The following YTHDC1 variants were observed in gnomAD, a reference collection of about 807,000 sequenced individuals.
The protein encoded by YTHDC1 is YTH N6-methyladenosine RNA binding protein C1.
A neutral mutation model predicts 107.0 loss-of-function variants in YTHDC1; 12 were observed. That is an observed-to-expected ratio of 0.11 (90% CI 0.07 to 0.18). The LOEUF (loss-of-function observed/expected upper bound fraction) is 0.18, where lower values mean the gene tolerates loss of function less well. Among genes scored for constraint, YTHDC1 ranks in the 10% least tolerant of loss-of-function variants. YTHDC1 has a pLI of 1.00. For synonymous variants in YTHDC1, 280 were observed against 289.5 expected, an observed-to-expected ratio of 0.97 and a Z score of 0.33; for missense variants, 635 against 898.8, an observed-to-expected ratio of 0.71 and a Z score of 3.75.
At chr4:68,346,658 G>A (rs1011054983) in intron 1 of YTHDC1, among the ~76,000 whole-genome samples, 2 of 152,114 alleles carry the variant, frequency 1.3e-5, no homozygotes, top group African/African-American at 4.8e-5. Flanking sequence ...TTTAGTAACT[G>A]TCTCGGGTAG....
rs376554025 is a variant in YTHDC1, at chr4:68,322,922, T to C, written c.1435-7A>G. ...CACATTCAAGTTCAATTTCCTAGAATAGGAAAGTAGCAATTTATAAAACAA... is the reference window on the plus strand; with the variant it reads ...CACATTCAAGTTCAATTTCCTAGAACAGGAAAGTAGCAATTTATAAAACAA... On this transcript the variant is annotated splice_polypyrimidine_tract_variant and splice_region_variant and intron_variant, in intron 10 of 16. Coordinates refer to ENST00000344157, the MANE Select transcript of YTHDC1 (RefSeq NM_001031732.4). This position sits in a 1 kb window ranked among gnomAD's most constrained non-coding sequence, Gnocchi z 4.8. The C allele has an allele frequency of 4.7e-5, 75 of 1,610,786 alleles. No individual in the cohort carries two copies. Among genetic ancestry groups the C allele is most frequent in the Admixed American group, 2.8e-4 (17 of 59,856 alleles).
intron 4 of YTHDC1, among the ~76,000 whole-genome samples, chr4:68,333,916 T>C (rs1005630904): frequency 3.9e-5 from 6 of 152,172 alleles, no homozygotes; most frequent in Admixed American, 2.6e-4. Flanking sequence ...TGGTTGCCAT[T>C]GCTTGTTTTT....
At chr4:68,336,298 C>T (rs570592770) in intron 4 of YTHDC1, among the ~76,000 whole-genome samples, 162 of 152,002 alleles carry the variant, frequency 1.1e-3, no homozygotes, top group Middle Eastern at 6.8e-3. Flanking sequence ...TCTGTAAGTA[C>T]CCTGACCTCT....
At chr4:68,336,509 G>GC (rs1485421871) in intron 4 of YTHDC1, among the ~76,000 whole-genome samples, 2 of 152,064 alleles carry the variant, frequency 1.3e-5, no homozygotes, top group Non-Finnish European at 2.9e-5. Flanking sequence ...TTACACCCCA[G>GC]CCCTCTTGTC....
chr4:68,327,193 G>A (rs1255288639), intron 9 of YTHDC1, among the ~76,000 whole-genome samples: 3 of 151,938 alleles, frequency 2.0e-5, no homozygotes, highest in Admixed American at 6.6e-5. Context: ...CCGAGATTGC[G>A]CCATTGCACT....
At chr4:68,324,717 G>A (rs1382327055) in intron 9 of YTHDC1, among the ~76,000 whole-genome samples, 2 of 152,104 alleles carry the variant, frequency 1.3e-5, no homozygotes, top group African/African-American at 2.4e-5. Flanking sequence ...CTGTTCAAGT[G>A]TACTTCCTCA....
At chr4:68,343,155 TA>T (rs1346701380) in intron 1 of YTHDC1, among the ~76,000 whole-genome samples, 1 of 152,180 alleles carries the variant, frequency 6.6e-6, no homozygotes, top group Non-Finnish European at 1.5e-5. Context: ...AAGCCTTTTT[TA>T]GATGTCTATA....
intron 4 of YTHDC1, among the ~76,000 whole-genome samples, chr4:68,336,184 C>A (rs1254151347): frequency 6.6e-6 from 1 of 150,928 alleles, no homozygotes; most frequent in Non-Finnish European, 1.5e-5. Context: ...AAATGTATTT[C>A]AAAAAAATAG....
At chr4:68,318,656 T>C in intron 14 of YTHDC1, 34 bp downstream of exon 14, 1 of 1,611,344 alleles carries the variant, frequency 6.2e-7, no homozygotes, top group Non-Finnish European at 8.5e-7. Flanking sequence ...AGCCTGATTT[T>C]ATCCACATTA....
chr4:68,318,948 C>T, intron 12 of YTHDC1, 86 bp from the exon 13 acceptor site: 1 of 1,371,496 alleles, frequency 7.3e-7, no homozygotes, highest in Admixed American at 1.7e-5. Flanking sequence ...CCACTCGTTT[C>T]AATTCTTTCC....
rs1231882415 is a variant in YTHDC1, at chr4:68,310,443, CTATATT to C, written c.*3650_*3655del. ...AGTATTTAAGACAATAGTCAATAAT[CTATATT>C]TAAGACACAGAAGAAACTGAAAGTG... On this transcript the variant is annotated 3_prime_UTR_variant, in exon 17 of 17. Coordinates refer to ENST00000344157, the MANE Select transcript of YTHDC1 (RefSeq NM_001031732.4). 10 of 152,078 alleles carry C rather than the reference CTATATT, an allele frequency of 6.6e-5. No homozygotes were observed. The highest frequency in any genetic ancestry group is 2.2e-4 in the African/African-American group (9 of 41,392). The allele number at this position is 152,078 out of a possible 1,614,324, so 9.4% of individuals were successfully genotyped here.
At chr4:68,348,474 C>CAAA (rs34746525) in intron 1 of YTHDC1, among the ~76,000 whole-genome samples, 4 of 120,984 alleles carry the variant, frequency 3.3e-5, no homozygotes, top group South Asian at 2.6e-4. Flanking sequence ...CTGGATTTCT[C>CAAA]AAAAAAAAAA....
At position 68,337,909 on chromosome 4, in the gene YTHDC1, T is replaced by C. The variant is rs1229093122; in HGVS notation, c.131-9A>G. ...ACTTTTTCTTTTTGATCCTTTAAAA[T>C]ACAATGTAAAAAAAAAAAAAAGAAG... On this transcript the variant is annotated splice_polypyrimidine_tract_variant and intron_variant, in intron 2 of 16. Coordinates refer to ENST00000344157, the MANE Select transcript of YTHDC1 (RefSeq NM_001031732.4). The C allele has an allele frequency of 1.3e-6, 2 of 1,582,174 alleles. No individual in the cohort carries two copies. The highest frequency in any genetic ancestry group is 1.2e-5 in the South Asian group (1 of 86,254).
intron 7 of YTHDC1, among the ~76,000 whole-genome samples, chr4:68,331,105 A>T (rs954775467): frequency 6.6e-6 from 1 of 152,116 alleles, no homozygotes; most frequent in Non-Finnish European, 1.5e-5. Flanking sequence ...CCATGCATAT[A>T]CTCCCATATA....
rs558222759 is a variant in YTHDC1, at chr4:68,312,730, A to G, written c.*1369T>C. The G allele has an allele frequency of 5.9e-5, 9 of 152,306 alleles. No homozygotes were observed. The South Asian group carries it at 1.9e-3, about 32-fold the overall frequency. The allele number at this position is 152,306 out of a possible 1,614,324, so 9.4% of individuals were successfully genotyped here. A position where few individuals can be genotyped will look rare whatever the true frequency, so the allele number is the denominator to read the frequency against. ...TATAGATTAAATGTAAAACTGTACTATGTGATCTGGTACACAGTACAACTG... is the reference window on the plus strand; with the variant it reads ...TATAGATTAAATGTAAAACTGTACTGTGTGATCTGGTACACAGTACAACTG... On this transcript the variant is annotated 3_prime_UTR_variant, in exon 17 of 17. Transcript: ENST00000344157.
intron 1 of YTHDC1, among the ~76,000 whole-genome samples, chr4:68,345,917 C>T (rs1370306823): frequency 6.6e-5 from 10 of 151,944 alleles, no homozygotes; most frequent in Non-Finnish European, 1.5e-4. Context: ...CTATACCATA[C>T]AGCCTAGATA....
At chr4:68,324,449 C>G (rs193287620) in intron 9 of YTHDC1, among the ~76,000 whole-genome samples, 19 of 152,330 alleles carry the variant, frequency 1.2e-4, no homozygotes, top group Non-Finnish European at 1.5e-5. Flanking sequence ...ACCAAGATAA[C>G]TTGGGGCTTA....
Position 68,316,606 on chromosome 4 carries a change from C to T in YTHDC1, c.1825-158G>A, listed in dbSNP as rs546303595. Among the ~76,000 whole-genome samples, 5 of 152,204 alleles carry T rather than the reference C, an allele frequency of 3.3e-5. No homozygotes were observed. In the South Asian group the frequency reaches 6.2e-4, roughly 19 times the overall value. On this transcript the variant is annotated intron_variant, in intron 15 of 16. Coordinates refer to ENST00000344157, the MANE Select transcript of YTHDC1 (RefSeq NM_001031732.4). ...AGGTGTTTCAAAATATGCTTTTTGT[C>T]GAAAATTACACATCTTCTAAGATTT...
rs1328195861 is a variant in YTHDC1 at position 68,322,785 on chromosome 4, C to T, written c.1565G>A (p.Arg522His). The stretch of plus-strand genomic sequence containing the variant: ...CCGGACTGGTTCTCGACGGGATGGA[C>T]GTCCTCGTGATCGGGGCTGAGAATG... ...RMHSQPRSRG[R>H]PSRREPVRDV... The change falls in exon 11 of 17, where the codon CGT becomes CAT. Residue 522 changes from arginine (R) to histidine (H), a missense_variant. Physicochemically the swap from Arg to His is conservative, Grantham distance 29. This residue lies in a region of YTHDC1 where 256 missense variants were observed against 372.9 expected (regional missense o/e 0.69). Coordinates refer to ENST00000344157, the MANE Select transcript of YTHDC1 (RefSeq NM_001031732.4). The surrounding 1 kb of genome is among the most constrained non-coding windows in gnomAD (Gnocchi z 4.8). 4 of 1,614,132 alleles carry T rather than the reference C, an allele frequency of 2.5e-6. No homozygotes were observed. The highest frequency in any genetic ancestry group is 3.4e-6 in the Non-Finnish European group (4 of 1,180,014).
Sources: allele counts gnomAD v4.1 joint callset (sites outside exome capture counted in the v4.1 genomes callset), GRCh38; gene constraint gnomAD v4.1.1; regional missense constraint gnomAD v4.1.1; non-coding constraint Gnocchi (gnomAD v3.1); transcripts MANE v1.5; gene names NCBI Gene and HGNC (gene_info 2026-07-23, HGNC 2026-07-21).